DNAH6: variants seen among roughly 807,000 people sequenced by gnomAD.
DNAH6 encodes the protein dynein axonemal heavy chain 6, also known as axonemal beta dynein heavy chain 6.
A neutral mutation model predicts 491.4 loss-of-function variants in DNAH6; 340 were observed. That is an observed-to-expected ratio of 0.69 (90% CI 0.63 to 0.76). The LOEUF (loss-of-function observed/expected upper bound fraction) is 0.76. Ranked by LOEUF, DNAH6 falls within the 30% of genes least tolerant of loss-of-function variation. The probability of loss-of-function intolerance (pLI) is 0.00; values close to 1 mark genes in which losing one functional copy is unlikely to be tolerated. For missense variants in DNAH6, 4,443 were observed against 4,972.2 expected, an observed-to-expected ratio of 0.89 and a Z score of 3.20; for synonymous variants, 1,603 against 1,686.1, an observed-to-expected ratio of 0.95 and a Z score of 1.21.
chr2:84,500,743 T>C, the DNAH6 span, among the ~76,000 whole-genome samples: 1 of 152,198 alleles, frequency 6.6e-6, no homozygotes, highest in Non-Finnish European at 1.5e-5. Context: ...TAGAAATCTT[T>C]CAGTGGTTTG....
chr2:84,808,652 C>A, intron 72 of DNAH6, 110 bp downstream of exon 72: 3 of 1,104,172 alleles, frequency 2.7e-6, no homozygotes, highest in South Asian at 1.4e-5. Flanking sequence ...TTTGGATACA[C>A]TAACAACTCT....
chr2:84,531,631 G>T (rs1482451856), intron 4 of DNAH6, among the ~76,000 whole-genome samples: 1 of 152,012 alleles, frequency 6.6e-6, no homozygotes, highest in African/African-American at 2.4e-5. Context: ...TTACAACTGA[G>T]ACATAGAAGA....
At chr2:84,622,016 C>T (rs1687443630) in intron 26 of DNAH6, among the ~76,000 whole-genome samples, 1 of 152,166 alleles carries the variant, frequency 6.6e-6, no homozygotes, top group African/African-American at 2.4e-5. Flanking sequence ...CCATCAGGAA[C>T]TTTTAGCTAT....
intron 5 of DNAH6, among the ~76,000 whole-genome samples, chr2:84,544,853 G>C (rs942487510): frequency 2.0e-5 from 3 of 152,036 alleles, no homozygotes; most frequent in Admixed American, 1.3e-4. Flanking sequence ...CCTCATCTTT[G>C]AGACACTCTA....
chr2:84,486,788 A>G, the DNAH6 span, among the ~76,000 whole-genome samples: 1 of 152,326 alleles, frequency 6.6e-6, no homozygotes, highest in Non-Finnish European at 1.5e-5. Flanking sequence ...TTCAGCAGAC[A>G]AGAGACAAGG....
chr2:84,701,307 A>G lies in DNAH6; in HGVS notation c.8029A>G (p.Met2677Val). 2 of 1,550,902 alleles carry G rather than the reference A, an allele frequency of 1.3e-6. No homozygotes were observed. Among genetic ancestry groups the G allele is most frequent in the Admixed American group, 2.0e-5 (1 of 50,950 alleles). Residue 2677 changes from methionine (M) to valine (V), a missense_variant, in exon 49 of 77, where the codon ATG becomes GTG. Physicochemically the swap from Met to Val is conservative, Grantham distance 21 (BLOSUM62 1). Coordinates refer to ENST00000389394, the MANE Select transcript of DNAH6 (RefSeq NM_001370.2). The stretch of plus-strand genomic sequence containing the variant: ...GGAGCTTATCAATCTTTACCTGTCT[A>G]TGCTGTCTGAAAAAAGGAAGCAGAT... ...YLELINLYLS[M>V]LSEKRKQIIS...
At chr2:84,501,976 A>G in the DNAH6 span, among the ~76,000 whole-genome samples, 1 of 151,996 alleles carries the variant, frequency 6.6e-6, no homozygotes, top group Middle Eastern at 3.4e-3. Flanking sequence ...CAAAAAACCA[A>G]CTTTTTGTTT....
intron 2 of DNAH6, among the ~76,000 whole-genome samples, chr2:84,523,899 G>A (rs1005386960): frequency 1.3e-5 from 2 of 151,640 alleles, no homozygotes; most frequent in East Asian, 1.9e-4. Context: ...AGAAGATGTG[G>A]CAATGAGAAG....
chr2:84,557,543 G>A (rs538771126), intron 10 of DNAH6, among the ~76,000 whole-genome samples, 192 bp from the exon 11 acceptor site: 48 of 150,200 alleles, frequency 3.2e-4, no homozygotes, highest in South Asian at 6.3e-4. Context: ...CCAGCTACTC[G>A]GGAGGCTGAG....
chr2:84,608,042 A>G (rs772966428), intron 21 of DNAH6, among the ~76,000 whole-genome samples: 2 of 152,120 alleles, frequency 1.3e-5, no homozygotes, highest in Non-Finnish European at 2.9e-5. Flanking sequence ...TGTTTATAGC[A>G]TTTTCACCAG....
intron 65 of DNAH6, 44 bp downstream of exon 65, chr2:84,781,697 G>A: frequency 6.7e-7 from 1 of 1,497,228 alleles, no homozygotes; most frequent in Non-Finnish European, 9.0e-7. Context: ...ACATTTTTAT[G>A]TAACCTTTTC....
At chr2:84,575,938 T>G (rs561705132) in intron 12 of DNAH6, among the ~76,000 whole-genome samples, 2 of 152,348 alleles carry the variant, frequency 1.3e-5, no homozygotes, top group East Asian at 3.9e-4. Flanking sequence ...AATCTTTTAT[T>G]CCTTTTTGGC....
chr2:84,716,663 G>T (rs965238812), intron 58 of DNAH6, among the ~76,000 whole-genome samples: 1 of 152,122 alleles, frequency 6.6e-6, no homozygotes, highest in Non-Finnish European at 1.5e-5. Flanking sequence ...TGAACACTTT[G>T]CATACCAGTT....
intron 15 of DNAH6, among the ~76,000 whole-genome samples, chr2:84,586,679 G>A (rs532280523): frequency 5.3e-5 from 8 of 152,148 alleles, no homozygotes; most frequent in African/African-American, 1.9e-4. Context: ...AACACTTTAG[G>A]GTTTTATTAT....
At chr2:84,551,530 T>C (rs576596564) in intron 9 of DNAH6, among the ~76,000 whole-genome samples, 2 of 152,370 alleles carry the variant, frequency 1.3e-5, no homozygotes, top group African/African-American at 4.8e-5. Flanking sequence ...TGTATAATTC[T>C]TGTAAATAAT....
chr2:84,472,195 T>G, the DNAH6 span, among the ~76,000 whole-genome samples: 2 of 151,948 alleles, frequency 1.3e-5, no homozygotes, highest in African/African-American at 2.4e-5. Context: ...TTTATGTTCC[T>G]GGTCTCCTGC....
chr2:84,547,120 C>A, intron 5 of DNAH6, 148 bp from the exon 6 acceptor site: 1 of 619,346 alleles, frequency 1.6e-6, no homozygotes, highest in South Asian at 2.7e-5. Flanking sequence ...TAAAAGTGAT[C>A]TTTTAACATA....
chr2:84,651,041 G>A (rs1397132173), intron 33 of DNAH6, among the ~76,000 whole-genome samples: 4 of 152,150 alleles, frequency 2.6e-5, no homozygotes, highest in Non-Finnish European at 5.9e-5. Context: ...AGGGGTGGGA[G>A]TTCCAGCTCC....
At chr2:84,521,631 T>C (rs2104415087) in intron 2 of DNAH6, among the ~76,000 whole-genome samples, 1 of 152,296 alleles carries the variant, frequency 6.6e-6, no homozygotes, top group South Asian at 2.1e-4. Flanking sequence ...CTTTAATCCA[T>C]CTTGAGTTAA....
Sources: allele counts gnomAD v4.1 joint callset (sites outside exome capture counted in the v4.1 genomes callset), GRCh38; gene constraint gnomAD v4.1.1; transcripts MANE v1.5; gene names NCBI Gene and HGNC (gene_info 2026-07-23, HGNC 2026-07-21).